ARHGEF7: variants seen among roughly 807,000 people sequenced by gnomAD.
ARHGEF7 encodes the protein PAK-interacting exchange factor beta.
Under a neutral mutation model 109.8 loss-of-function variants are expected in ARHGEF7, and 33 were observed. The observed-to-expected ratio is 0.30, with a 90% CI of 0.23 to 0.40. ARHGEF7 has a LOEUF of 0.40. Among genes scored for constraint, ARHGEF7 ranks in the 10% least tolerant of loss-of-function variants. The probability of loss-of-function intolerance (pLI) is 1.00; values close to 1 mark genes in which losing one functional copy is unlikely to be tolerated. For synonymous variants in ARHGEF7, 458 were observed against 424.6 expected (o/e 1.08, Z -0.97); for missense variants, 938 against 1,098.5 (o/e 0.85, Z 2.07).
chr13:111,292,879 C>T, intron 19 of ARHGEF7: 1 of 988,554 alleles, frequency 1.0e-6, no homozygotes, highest in Non-Finnish European at 1.2e-6. Flanking sequence ...AGCATGTGGG[C>T]TCTGGGCCTT....
chr13:111,161,457 G>A lies in ARHGEF7; in HGVS notation c.252+7466G>A, dbSNP rs573510273. ...CATCAGGAAAATGGGTGTCACACGT[G>A]CTTGCCCTTTGTGTCTGTCGTGAGG... On this transcript the variant is annotated intron_variant, in intron 2 of 21. Coordinates refer to ENST00000646102, the MANE Select transcript of ARHGEF7 (RefSeq NM_001354046.2). Among the ~76,000 whole-genome samples the A allele has an allele frequency of 5.9e-5, 9 of 152,322 alleles. No homozygotes were observed. The South Asian group carries it at 1.9e-3, about 32-fold the overall frequency.
Position 111,272,125 on chromosome 13 carries a change from A to AT in ARHGEF7, c.1074-1687dup, listed in dbSNP as rs2153593342. ...TCAGCATGGTGTTTGAATCGGTTTC[A>AT]TTGGAGGACATTCTCCCTGGCTGCC... On this transcript the variant is annotated intron_variant, in intron 9 of 21. Transcript: ENST00000646102. The surrounding 1 kb of genome is among the most constrained non-coding windows in gnomAD (Gnocchi z 5.2). Among the ~76,000 whole-genome samples the AT allele has an allele frequency of 1.3e-5, 2 of 152,322 alleles. No homozygotes were observed. Among genetic ancestry groups the AT allele is most frequent in the African/African-American group, 4.8e-5 (2 of 41,578 alleles).
At chr13:111,160,315 G>C (rs1874266967) in intron 2 of ARHGEF7, among the ~76,000 whole-genome samples, 1 of 151,590 alleles carries the variant, frequency 6.6e-6, no homozygotes, top group South Asian at 2.1e-4. Context: ...TTTTACTCAA[G>C]AATGCTTTAG....
rs766043330 is a variant in ARHGEF7, at chr13:111,273,869, G to T, written c.1129G>T (p.Val377Leu). The stretch of plus-strand genomic sequence containing the variant: ...AGGTGCCAGCAGCCCTGGGATTCTC[G>T]TGCTGACCACGGGCCTGAGCAAACC... ...TKGASSPGIL[V>L]LTTGLSKPFM... Residue 377 changes from valine to leucine, a missense_variant, in exon 10 of 22, where the codon GTG (valine) becomes TTG (leucine). Coordinates refer to ENST00000646102, the MANE Select transcript of ARHGEF7 (RefSeq NM_001354046.2). The surrounding 1 kb of genome is among the most constrained non-coding windows in gnomAD (Gnocchi z 4.5). 7 of 1,614,170 alleles carry T rather than the reference G, an allele frequency of 4.3e-6. No individual in the cohort carries two copies. The highest frequency in any genetic ancestry group is 5.9e-6 in the Non-Finnish European group (7 of 1,180,032).
chr13:111,129,695 C>T (rs1022729478), intron 1 of ARHGEF7, among the ~76,000 whole-genome samples: 2 of 152,200 alleles, frequency 1.3e-5, no homozygotes, highest in African/African-American at 4.8e-5. Context: ...CACGTATCAT[C>T]ACGGCTGAAA....
chr13:111,154,045 C>A, intron 2 of ARHGEF7, 54 bp downstream of exon 2: 4 of 1,521,706 alleles, frequency 2.6e-6, no homozygotes, highest in Non-Finnish European at 3.5e-6. Context: ...GGGGTTGGGC[C>A]CGGGGTGGGT....
Position 111,163,065 on chromosome 13 carries a change from A to G in ARHGEF7, c.252+9074A>G, listed in dbSNP as rs145798194. Among the ~76,000 whole-genome samples the G allele has an allele frequency of 5.1e-4, 77 of 152,324 alleles. 1 individual carries two copies. In the East Asian group the frequency reaches 8.9e-3, roughly 18 times the overall value. ...CTGGGCACCCTTCTATACTGTTGAT[A>G]CCAAGCGTGAAACGGTTGGTCACAA... On this transcript the variant is annotated intron_variant, in intron 2 of 21. Transcript: ENST00000646102.
intron 5 of ARHGEF7, among the ~76,000 whole-genome samples, chr13:111,225,874 T>A (rs1245424113): frequency 6.6e-6 from 1 of 152,222 alleles, no homozygotes; most frequent in Non-Finnish European, 1.5e-5. Flanking sequence ...CTATGGCCTC[T>A]TAAGTGTTCA....
At chr13:111,249,075 G>A (rs191562959) in intron 8 of ARHGEF7, among the ~76,000 whole-genome samples, 1 of 152,312 alleles carries the variant, frequency 6.6e-6, no homozygotes, top group African/African-American at 2.4e-5. Flanking sequence ...TCTGCCGTCA[G>A]CCAGAGATTT....
chr13:111,192,739 C>T (rs2080044688), intron 2 of ARHGEF7, among the ~76,000 whole-genome samples: 1 of 152,186 alleles, frequency 6.6e-6, no homozygotes, highest in South Asian at 2.1e-4. Context: ...GTTACCACGG[C>T]TTTAAAAGCT....
chr13:111,120,786 C>T (rs831149), intron 1 of ARHGEF7, among the ~76,000 whole-genome samples: 11,245 of 152,244 alleles, frequency 0.074, 1,350 homozygotes, highest in African/African-American at 0.25. Flanking sequence ...ATGCTCCTCT[C>T]GTTTGCAGGC....
At chr13:111,183,045 CT>C (rs1294023508) in intron 2 of ARHGEF7, among the ~76,000 whole-genome samples, 3 of 152,172 alleles carry the variant, frequency 2.0e-5, no homozygotes, top group Non-Finnish European at 4.4e-5. Flanking sequence ...GTATTTTCAA[CT>C]TCACGATGTT....
chr13:111,298,345 T>C (rs115469331), intron 19 of ARHGEF7, among the ~76,000 whole-genome samples: 3,662 of 152,346 alleles, frequency 0.024, 151 homozygotes, highest in African/African-American at 0.085. Flanking sequence ...TGGCACCCCA[T>C]GCTCTGCTGT....
At position 111,201,658 on chromosome 13, in the gene ARHGEF7, G is replaced by C. The variant is rs2081224667; in HGVS notation, c.253-3631G>C. On this transcript the variant is annotated intron_variant, in intron 2 of 21. Transcript: ENST00000646102. ...TTTGAAAGTGTGGGGCATTCCAGTT[G>C]CTGCTTCCTGTCCTCAAGCATGTTC... Among the ~76,000 whole-genome samples, 9 of 152,312 alleles carry C rather than the reference G, an allele frequency of 5.9e-5. No homozygotes were observed. In the South Asian group the frequency reaches 1.9e-3, roughly 32 times the overall value.
At chr13:111,199,954 T>C (rs910683771) in intron 2 of ARHGEF7, among the ~76,000 whole-genome samples, 17 of 152,188 alleles carry the variant, frequency 1.1e-4, no homozygotes, top group African/African-American at 3.9e-4. Context: ...TTTTTTCTGC[T>C]CCAAAGTCTG....
At chr13:111,267,768 T>G in intron 9 of ARHGEF7, 98 bp downstream of exon 9, 1 of 1,435,850 alleles carries the variant, frequency 7.0e-7, no homozygotes, top group Non-Finnish European at 9.4e-7. Context: ...CCCTTGGTTA[T>G]TAAAGGGTAT....
At chr13:111,288,220 T>G (rs2093109287) in intron 17 of ARHGEF7, 134 bp from the exon 18 acceptor site, 2 of 466,746 alleles carry the variant, frequency 4.3e-6, no homozygotes, top group Admixed American at 6.9e-5. Flanking sequence ...AAAACAGTTA[T>G]CTGACAAGAA....
chr13:111,211,008 G>A (rs1056401374), intron 4 of ARHGEF7, among the ~76,000 whole-genome samples: 1 of 151,004 alleles, frequency 6.6e-6, no homozygotes, highest in African/African-American at 2.4e-5. Flanking sequence ...GGAAAGATAT[G>A]CGAGGAATGT....
At chr13:111,205,453 C>T in intron 3 of ARHGEF7, 80 bp downstream of exon 3, 2 of 931,282 alleles carry the variant, frequency 2.1e-6, no homozygotes, top group Non-Finnish European at 1.6e-6. Context: ...TTTACCAAAG[C>T]CAGGGGAGCA....
Sources: gnomAD v4.1 joint callset for allele counts (sites outside exome capture counted in the v4.1 genomes callset) on GRCh38, gnomAD v4.1.1 for gene constraint, Gnocchi (gnomAD v3.1) non-coding constraint, MANE v1.5 for transcripts, NCBI Gene and HGNC (gene_info 2026-07-23, HGNC 2026-07-21) for gene names.